Variants in THSD7B observed in about 807,000 individuals in gnomAD.
THSD7B encodes thrombospondin type 1 domain containing 7B, also known as thrombospondin type-1 domain-containing protein 7B.
THSD7B carries 138 observed loss-of-function variants against 213.6 expected under a neutral mutation model. The observed-to-expected ratio is 0.65, with a 90% CI of 0.56 to 0.74. The LOEUF (loss-of-function observed/expected upper bound fraction) is 0.74. THSD7B is among the 30% of genes least tolerant of loss of function. The pLI is 0.00. For synonymous variants in THSD7B, 742 were observed against 687.0 expected (o/e 1.08, Z -1.25); for missense variants, 1,931 against 1,991.5 (o/e 0.97, Z 0.58).
At chr2:137,443,954 G>A (rs1687473745) in intron 14 of THSD7B, among the ~76,000 whole-genome samples, 1 of 151,956 alleles carries the variant, frequency 6.6e-6, no homozygotes, top group Non-Finnish European at 1.5e-5. Flanking sequence ...GGATCTAAAT[G>A]AGATATTTTG....
chr2:137,410,295 A>G lies in THSD7B; in HGVS notation c.2696-1314A>G, dbSNP rs188364337. Among the ~76,000 whole-genome samples the G allele has an allele frequency of 2.3e-3, 349 of 151,558 alleles. 1 individual carries two copies. The highest frequency in any genetic ancestry group is 7.6e-3 in the African/African-American group (315 of 41,328). ...TTTTTTTTTTCTTTTTTGAGACAGC[A>G]TCTTGCTCTGTCGCCCAGACTAGAG... On this transcript the variant is annotated intron_variant, in intron 13 of 27. Transcript: ENST00000409968.
chr2:137,200,378 G>A (rs1680850460), intron 7 of THSD7B, among the ~76,000 whole-genome samples: 1 of 151,836 alleles, frequency 6.6e-6, no homozygotes, highest in Non-Finnish European at 1.5e-5. Flanking sequence ...ATACTTTACT[G>A]TTCAACCTTG....
chr2:136,905,752 A>G (rs1008942616), intron 2 of THSD7B, among the ~76,000 whole-genome samples: 5 of 152,248 alleles, frequency 3.3e-5, no homozygotes, highest in African/African-American at 1.2e-4. Context: ...TTAGGCATTG[A>G]GACAAATGAT....
intron 3 of THSD7B, among the ~76,000 whole-genome samples, chr2:137,088,855 C>A (rs1558916204): frequency 6.6e-6 from 1 of 152,002 alleles, no homozygotes; most frequent in Non-Finnish European, 1.5e-5. Context: ...AAATGGCCAA[C>A]AAACATTTGA....
At chr2:136,880,860 T>C (rs1463036734) in intron 1 of THSD7B, among the ~76,000 whole-genome samples, 2 of 152,306 alleles carry the variant, frequency 1.3e-5, no homozygotes, top group Non-Finnish European at 2.9e-5. Flanking sequence ...TGATTCTAGT[T>C]ATTTAAAAAT....
intron 2 of THSD7B, among the ~76,000 whole-genome samples, chr2:136,928,434 TTTGTTTTTAGCCTAACCCAC>T (rs1402201429): frequency 6.6e-6 from 1 of 152,172 alleles, no homozygotes; most frequent in Non-Finnish European, 1.5e-5. Context: ...TTGTATAGCG[TTTGTTTTTAGCCTAACCCAC>T]TGCATCCTGT....
chr2:136,797,985 T>C (rs972563683), intron 1 of THSD7B, among the ~76,000 whole-genome samples: 3 of 151,980 alleles, frequency 2.0e-5, no homozygotes, highest in Non-Finnish European at 4.4e-5. Flanking sequence ...ACTATAATTC[T>C]AGACAAGTAT....
chr2:137,660,238 CA>C (rs1683317574), intron 25 of THSD7B, among the ~76,000 whole-genome samples: 1 of 151,164 alleles, frequency 6.6e-6, no homozygotes, highest in Admixed American at 6.6e-5. Flanking sequence ...TTTTTCAAAG[CA>C]GAAATTTATT....
At chr2:137,152,250 C>T (rs1005200701) in intron 5 of THSD7B, among the ~76,000 whole-genome samples, 2 of 152,124 alleles carry the variant, frequency 1.3e-5, no homozygotes. Context: ...ACTTACCTTT[C>T]CTAAGGTTTA....
intron 20 of THSD7B, among the ~76,000 whole-genome samples, chr2:137,624,153 G>A (rs1682576774): frequency 1.3e-5 from 2 of 152,134 alleles, no homozygotes; most frequent in Admixed American, 6.5e-5. Context: ...GAACACAACA[G>A]AGCCCTCAGA....
At chr2:136,825,718 ATT>A (rs55814718) in intron 1 of THSD7B, among the ~76,000 whole-genome samples, 17 of 116,860 alleles carry the variant, frequency 1.5e-4, no homozygotes, top group East Asian at 1.1e-3. Flanking sequence ...TGCCTGGCTA[ATT>A]TTTTTTTTTT....
intron 5 of THSD7B, among the ~76,000 whole-genome samples, chr2:137,120,593 C>T (rs879504791): frequency 1.3e-5 from 2 of 151,946 alleles, no homozygotes; most frequent in Non-Finnish European, 2.9e-5. Flanking sequence ...CTTTTCTTTC[C>T]ATTAGGCTGC....
intron 15 of THSD7B, among the ~76,000 whole-genome samples, chr2:137,528,559 C>T (rs1479503984): frequency 1.3e-5 from 2 of 152,052 alleles, no homozygotes; most frequent in East Asian, 3.9e-4. Flanking sequence ...TAGCAACTAA[C>T]TAAATTAATC....
At chr2:136,817,731 G>T (rs1682499058) in intron 1 of THSD7B, among the ~76,000 whole-genome samples, 1 of 151,708 alleles carries the variant, frequency 6.6e-6, no homozygotes, top group Non-Finnish European at 1.5e-5. Flanking sequence ...CAAAAAGTGG[G>T]CAAAGGACAT....
At chr2:137,166,800 G>T (rs1680139946) in intron 6 of THSD7B, among the ~76,000 whole-genome samples, 1 of 152,148 alleles carries the variant, frequency 6.6e-6, no homozygotes, top group Non-Finnish European at 1.5e-5. Flanking sequence ...AAATCATTTT[G>T]CTTTCTCATA....
At chr2:137,273,025 TACACACACAC>T (rs71877881) in intron 11 of THSD7B, among the ~76,000 whole-genome samples, 3,549 of 141,016 alleles carry the variant, frequency 0.025, 152 homozygotes, top group African/African-American at 0.082. Context: ...GGAGAAGGAA[TACACACACAC>T]ACACACACAC....
chr2:137,248,904 G>A (rs1682104095), intron 10 of THSD7B, among the ~76,000 whole-genome samples: 1 of 152,182 alleles, frequency 6.6e-6, no homozygotes, highest in Admixed American at 6.5e-5. Flanking sequence ...ATTAAACACA[G>A]CAAGATGTAT....
chr2:136,852,695 G>C (rs946081690), intron 1 of THSD7B, among the ~76,000 whole-genome samples: 3 of 151,996 alleles, frequency 2.0e-5, no homozygotes, highest in African/African-American at 7.2e-5. Flanking sequence ...GCCTGTCTTT[G>C]CTTTATGATT....
rs1473796375 is a variant in THSD7B, at chr2:137,561,749, A to G, written c.3139-1472A>G. ...ATGGGAAAGACTTCTTAGGTATAAG[A>G]TATCACCCCCTTATTCTAATGTAGG... On this transcript the variant is annotated intron_variant, in intron 15 of 27. Coordinates refer to ENST00000409968, the MANE Select transcript of THSD7B (RefSeq NM_001316349.2). 2.0e-5 allele frequency among the ~76,000 whole-genome samples: 3 copies of G among 152,252 alleles called. No homozygotes were observed. In the East Asian group the frequency reaches 5.8e-4, roughly 29 times the overall value.
Sources: allele counts gnomAD v4.1 joint callset (sites outside exome capture counted in the v4.1 genomes callset), GRCh38; gene constraint gnomAD v4.1.1; transcripts MANE v1.5; gene names NCBI Gene and HGNC (gene_info 2026-07-23, HGNC 2026-07-21).